The following ITFG1 variants were observed in gnomAD, a reference collection of about 807,000 sequenced individuals.
The protein encoded by ITFG1 is integrin alpha FG-GAP repeat containing 1, also known as T-cell immunomodulatory protein.
ITFG1 carries 34 observed loss-of-function variants against 81.8 expected under a neutral mutation model. The ratio of observed to expected loss-of-function variants is 0.42; its 90% CI spans 0.32 to 0.55. The LOEUF (loss-of-function observed/expected upper bound fraction) is 0.55. ITFG1 is among the 20% of genes least tolerant of loss of function. The pLI, the probability that ITFG1 is intolerant of heterozygous loss-of-function variation, is 0.17. For missense variants in ITFG1, 672 were observed against 755.4 expected, an observed-to-expected ratio of 0.89 and a Z score of 1.29; for synonymous variants, 285 against 270.6, an observed-to-expected ratio of 1.05 and a Z score of -0.52.
At chr16:47,431,653 G>A (rs1014428069) in intron 5 of ITFG1, among the ~76,000 whole-genome samples, 1 of 152,054 alleles carries the variant, frequency 6.6e-6, no homozygotes, top group African/African-American at 2.4e-5. Flanking sequence ...ATACTAAATT[G>A]TACACTTTAT....
intron 8 of ITFG1, among the ~76,000 whole-genome samples, chr16:47,344,961 T>C (rs1432691619): frequency 1.3e-5 from 2 of 152,210 alleles, no homozygotes; most frequent in Admixed American, 6.5e-5. Flanking sequence ...TTCTTATCCA[T>C]TCATCTGTTG....
intron 6 of ITFG1, among the ~76,000 whole-genome samples, chr16:47,378,204 T>G (rs1040711353): frequency 6.6e-6 from 1 of 152,242 alleles, no homozygotes; most frequent in Non-Finnish European, 1.5e-5. Flanking sequence ...GGGGCAAGCA[T>G]GCTACTACAT....
chr16:47,356,310 A>G lies in ITFG1; in HGVS notation c.802+9478T>C, dbSNP rs929417310. On this transcript the variant is annotated intron_variant, in intron 8 of 17. Coordinates refer to ENST00000320640, the MANE Select transcript of ITFG1 (RefSeq NM_030790.5). ...TTTTGAGCATTATGAAAAAGAAGCA[A>G]AGAGACATTTGCAATATACAAAACT... is the stretch of plus-strand genomic sequence containing the variant. Among the ~76,000 whole-genome samples, 3 of 152,358 alleles carry G rather than the reference A, an allele frequency of 2.0e-5. No homozygotes were observed. The East Asian group carries it at 5.8e-4, about 29-fold the overall frequency.
In ITFG1 at chr16:47,445,928, C is replaced by G. The variant is rs1014997719; in HGVS notation, c.560+5468G>C. 4.6e-5 allele frequency among the ~76,000 whole-genome samples: 7 copies of G among 152,146 alleles called. No individual in the cohort carries two copies. In the East Asian group the frequency reaches 1.3e-3, roughly 29 times the overall value. ...GAAGGCAAAAGCACAGCCTTTAGAA[C>G]TTGGAAGATCCAGATTCAATTCCCA... On this transcript the variant is annotated intron_variant, in intron 5 of 17. Coordinates refer to ENST00000320640, the MANE Select transcript of ITFG1 (RefSeq NM_030790.5).
chr16:47,441,134 A>G (rs1006356966), intron 5 of ITFG1, among the ~76,000 whole-genome samples: 2 of 152,208 alleles, frequency 1.3e-5, no homozygotes, highest in African/African-American at 2.4e-5. Flanking sequence ...ACCAGGAAGA[A>G]GTTGAATCTC....
intron 6 of ITFG1, among the ~76,000 whole-genome samples, chr16:47,412,167 G>C (rs1968819347): frequency 6.6e-6 from 1 of 152,190 alleles, no homozygotes. Flanking sequence ...TCTCAGATGA[G>C]TAAGAATCAG....
intron 10 of ITFG1, among the ~76,000 whole-genome samples, chr16:47,277,343 C>A (rs75647208): frequency 6.6e-6 from 1 of 152,168 alleles, no homozygotes; most frequent in African/African-American, 2.4e-5. Context: ...GCCCCCAGTA[C>A]CCATACCCAA....
At chr16:47,451,551 T>C (rs2151618619) in intron 4 of ITFG1, 81 bp from the exon 5 acceptor site, 1 of 740,700 alleles carries the variant, frequency 1.4e-6, no homozygotes, top group East Asian at 2.6e-5. Flanking sequence ...CAGTAACTTT[T>C]GGGAAGTGTG....
chr16:47,399,578 A>C (rs539981157), intron 6 of ITFG1, among the ~76,000 whole-genome samples: 2 of 152,188 alleles, frequency 1.3e-5, no homozygotes. Context: ...GTCTCAAAAA[A>C]AAAAAAAAAG....
intron 10 of ITFG1, among the ~76,000 whole-genome samples, chr16:47,283,463 C>T (rs1407610257): frequency 6.6e-6 from 1 of 152,172 alleles, no homozygotes; most frequent in African/African-American, 2.4e-5. Flanking sequence ...ATAGCAATAC[C>T]ATGCCAGCTC....
At chr16:47,290,906 A>T (rs1284024295) in intron 10 of ITFG1, among the ~76,000 whole-genome samples, 1 of 152,150 alleles carries the variant, frequency 6.6e-6, no homozygotes, top group East Asian at 1.9e-4. Context: ...CTTGTTTATT[A>T]ATGTGGTTTC....
At chr16:47,264,844 T>C (rs1473820750) in intron 10 of ITFG1, among the ~76,000 whole-genome samples, 1 of 152,160 alleles carries the variant, frequency 6.6e-6, no homozygotes, top group Non-Finnish European at 1.5e-5. Flanking sequence ...TGACAGCAGC[T>C]GAGTATTACA....
chr16:47,211,417 AGT>A (rs1186222318), intron 14 of ITFG1, among the ~76,000 whole-genome samples: 2 of 152,044 alleles, frequency 1.3e-5, no homozygotes, highest in Non-Finnish European at 2.9e-5. Flanking sequence ...GTTTTTGCTG[AGT>A]GTGTGTTTTT....
In ITFG1 at chr16:47,459,192, T is replaced by A. The variant is rs772199050; in HGVS notation, c.209-17A>T. The A allele has an allele frequency of 1.6e-5, 24 of 1,494,622 alleles. No homozygotes were observed. Among genetic ancestry groups the A allele is most frequent in the Non-Finnish European group, 2.2e-5 (24 of 1,072,358 alleles). 92.6% of individuals were successfully genotyped at this position (1,494,622 alleles called of 1,614,324 possible). A position where few individuals can be genotyped will look rare whatever the true frequency, so the allele number is the denominator to read the frequency against. The stretch of plus-strand genomic sequence containing the variant: ...AGTCATTTCCTAAAGAAAACAAATA[T>A]ATGATATTAGAAAAATGTTTGTTGA... On this transcript the variant is annotated splice_polypyrimidine_tract_variant and intron_variant, in intron 1 of 17. Coordinates refer to ENST00000320640, the MANE Select transcript of ITFG1 (RefSeq NM_030790.5).
At chr16:47,349,087 T>C (rs559224853) in intron 8 of ITFG1, among the ~76,000 whole-genome samples, 120 of 152,248 alleles carry the variant, frequency 7.9e-4, no homozygotes, top group African/African-American at 2.8e-3. Context: ...GAACAACCGG[T>C]ACCAGCCACT....
intron 13 of ITFG1, among the ~76,000 whole-genome samples, chr16:47,223,315 T>A (rs942360558): frequency 1.6e-4 from 24 of 151,678 alleles, no homozygotes; most frequent in Non-Finnish European, 2.2e-4. Context: ...AAAATGGGAG[T>A]AAATCTTCGC....
At chr16:47,182,850 T>A (rs1169137888) in intron 14 of ITFG1, among the ~76,000 whole-genome samples, 10 of 152,216 alleles carry the variant, frequency 6.6e-5, no homozygotes, top group Admixed American at 5.9e-4. Context: ...CATTTCCATC[T>A]GAGGTACCGG....
chr16:47,198,879 A>C (rs868023924), intron 14 of ITFG1, among the ~76,000 whole-genome samples: 2 of 152,240 alleles, frequency 1.3e-5, no homozygotes, highest in Non-Finnish European at 2.9e-5. Context: ...CTAAGTTATT[A>C]CAAAAGGGTC....
intron 7 of ITFG1, among the ~76,000 whole-genome samples, chr16:47,370,432 C>T (rs530194397): frequency 6.6e-6 from 1 of 152,342 alleles, no homozygotes; most frequent in African/African-American, 2.4e-5. Flanking sequence ...TGGGTAGGGG[C>T]TGCCCACTTC....
Sources: gnomAD v4.1 joint callset for allele counts (sites outside exome capture counted in the v4.1 genomes callset) on GRCh38, gnomAD v4.1.1 for gene constraint, MANE v1.5 for transcripts, NCBI Gene and HGNC (gene_info 2026-07-23, HGNC 2026-07-21) for gene names.